The following RAD51B variants were observed in gnomAD, a reference collection of about 807,000 sequenced individuals.
The protein encoded by RAD51B is DNA repair protein RAD51 homolog 2.
In RAD51B, 38 loss-of-function variants were observed where a neutral mutation model predicts 42.2. The observed-to-expected ratio is 0.90, with a 90% CI of 0.70 to 1.18. The LOEUF is 1.18. RAD51B is among the 50% of genes most tolerant of loss of function. The probability of loss-of-function intolerance (pLI) is 0.00; values close to 1 mark genes in which losing one functional copy is unlikely to be tolerated. For synonymous variants in RAD51B, 154 were observed against 145.2 expected (o/e 1.06, Z -0.43); for missense variants, 373 against 400.7 (o/e 0.93, Z 0.59).
At chr14:68,511,317 C>T (rs1566920473) in intron 10 of RAD51B, among the ~76,000 whole-genome samples, 1 of 152,198 alleles carries the variant, frequency 6.6e-6, no homozygotes, top group African/African-American at 2.4e-5. Context: ...CACTTGGCAC[C>T]CACAGCCCTG....
At chr14:68,578,468 T>A (rs181561315) in intron 10 of RAD51B, among the ~76,000 whole-genome samples, 3 of 152,132 alleles carry the variant, frequency 2.0e-5, no homozygotes, top group Non-Finnish European at 4.4e-5. Flanking sequence ...ATGGATGATA[T>A]GACATGGCAG....
chr14:68,201,811 C>T (rs1274640), intron 7 of RAD51B, among the ~76,000 whole-genome samples: 22,693 of 152,024 alleles, frequency 0.15, 1,807 homozygotes, highest in Middle Eastern at 0.33. Context: ...AGTCAATGAC[C>T]GTTTTTTGAG....
chr14:67,874,302 T>A (rs2042651604), intron 5 of RAD51B, among the ~76,000 whole-genome samples: 1 of 152,168 alleles, frequency 6.6e-6, no homozygotes, highest in Admixed American at 6.5e-5. Flanking sequence ...TCCAGACTAT[T>A]TAACAATTTT....
chr14:68,051,930 G>A (rs2076400419), intron 7 of RAD51B, among the ~76,000 whole-genome samples: 1 of 151,890 alleles, frequency 6.6e-6, no homozygotes, highest in Non-Finnish European at 1.5e-5. Flanking sequence ...AAAATATAAA[G>A]AGGTCAACTT....
intron 7 of RAD51B, among the ~76,000 whole-genome samples, chr14:68,059,844 T>G (rs2076541114): frequency 6.6e-6 from 1 of 152,268 alleles, no homozygotes; most frequent in Admixed American, 6.5e-5. Context: ...ATGTTTCTAG[T>G]AAACTGAATT....
At chr14:68,198,535 A>T (rs950146887) in intron 7 of RAD51B, among the ~76,000 whole-genome samples, 3 of 152,148 alleles carry the variant, frequency 2.0e-5, no homozygotes, top group Non-Finnish European at 2.9e-5. Context: ...GTGAATTGAC[A>T]TCTTTAATAA....
intron 8 of RAD51B, among the ~76,000 whole-genome samples, chr14:68,349,161 C>G (rs2082732859): frequency 6.6e-6 from 1 of 151,946 alleles, no homozygotes; most frequent in Non-Finnish European, 1.5e-5. Flanking sequence ...CTATTTAAAA[C>G]TGTAATAACT....
At chr14:67,973,717 A>G (rs2074939782) in intron 7 of RAD51B, among the ~76,000 whole-genome samples, 1 of 152,150 alleles carries the variant, frequency 6.6e-6, no homozygotes, top group African/African-American at 2.4e-5. Context: ...ATTTGTCCTG[A>G]TTACAGCTCT....
At chr14:68,465,007 G>A (rs895035117) in intron 9 of RAD51B, among the ~76,000 whole-genome samples, 1 of 152,190 alleles carries the variant, frequency 6.6e-6, no homozygotes, top group Non-Finnish European at 1.5e-5. Context: ...GGTGGAGTTA[G>A]CACCACAGAG....
chr14:68,202,791 A>T (rs1342496526), intron 7 of RAD51B, among the ~76,000 whole-genome samples: 1 of 151,944 alleles, frequency 6.6e-6, no homozygotes, highest in Non-Finnish European at 1.5e-5. Context: ...CATGTTGGTC[A>T]GGCTGGTCTC....
chr14:68,149,128 T>G (rs1237226602), intron 7 of RAD51B, among the ~76,000 whole-genome samples: 1 of 152,202 alleles, frequency 6.6e-6, no homozygotes, highest in Non-Finnish European at 1.5e-5. Context: ...AGGTGTTTTG[T>G]AAAAATTTTC....
intron 7 of RAD51B, among the ~76,000 whole-genome samples, chr14:68,085,178 T>C (rs1566631881): frequency 6.6e-6 from 1 of 152,216 alleles, no homozygotes; most frequent in African/African-American, 2.4e-5. Context: ...AAGGAAGAGT[T>C]AGACAGTGAA....
chr14:67,977,411 A>T (rs186511665), intron 7 of RAD51B, among the ~76,000 whole-genome samples: 1 of 152,342 alleles, frequency 6.6e-6, no homozygotes, highest in African/African-American at 2.4e-5. Flanking sequence ...GAAGAGATTA[A>T]CTTTAAAAAG....
intron 10 of RAD51B, among the ~76,000 whole-genome samples, chr14:68,620,788 C>G (rs1194342578): frequency 6.6e-6 from 1 of 152,212 alleles, no homozygotes; most frequent in Non-Finnish European, 1.5e-5. Context: ...AGCCTGAATA[C>G]AATTGGTCTG....
At chr14:68,237,882 G>A (rs1325167221) in intron 7 of RAD51B, among the ~76,000 whole-genome samples, 1 of 151,874 alleles carries the variant, frequency 6.6e-6, no homozygotes, top group Non-Finnish European at 1.5e-5. Flanking sequence ...TTACAGGCAT[G>A]CACCACCACG....
intron 7 of RAD51B, among the ~76,000 whole-genome samples, chr14:68,189,246 A>G (rs549178957): frequency 6.6e-6 from 1 of 152,290 alleles, no homozygotes; most frequent in South Asian, 2.1e-4. Flanking sequence ...TTCAGAGGGT[A>G]GGAACAATAT....
chr14:67,992,082 T>A (rs1468836451), intron 7 of RAD51B, among the ~76,000 whole-genome samples: 1 of 152,212 alleles, frequency 6.6e-6, no homozygotes, highest in Non-Finnish European at 1.5e-5. Context: ...ATGTCTAGAA[T>A]AAGATTAGTA....
chr14:68,598,556 G>T (rs1891094226), downstream of RAD51B, among the ~76,000 whole-genome samples: 1 of 152,234 alleles, frequency 6.6e-6, no homozygotes, highest in Non-Finnish European at 1.5e-5. Context: ...AGTAAAACAA[G>T]CATTCCTCGG....
intron 8 of RAD51B, among the ~76,000 whole-genome samples, chr14:68,400,751 T>C (rs1028185885): frequency 6.6e-6 from 1 of 152,250 alleles, no homozygotes; most frequent in African/African-American, 2.4e-5. Flanking sequence ...CAGATTTCTT[T>C]AAATGGTTAG....
Sources: gnomAD v4.1 joint callset for allele counts (sites outside exome capture counted in the v4.1 genomes callset) on GRCh38, gnomAD v4.1.1 for gene constraint, MANE v1.5 for transcripts, NCBI Gene and HGNC (gene_info 2026-07-23, HGNC 2026-07-21) for gene names.